Variants in ADAMTS9 observed in about 807,000 individuals in gnomAD.
ADAMTS9 encodes ADAM metallopeptidase with thrombospondin type 1 motif 9.
In ADAMTS9, 107 loss-of-function variants were observed where a neutral mutation model predicts 257.1. The ratio of observed to expected loss-of-function variants is 0.42; its 90% CI spans 0.36 to 0.49. The LOEUF is 0.49. Ranked by LOEUF, ADAMTS9 falls within the 20% of genes least tolerant of loss-of-function variation. The pLI is 0.03. For missense variants in ADAMTS9, 2,353 were observed against 2,469.1 expected, an observed-to-expected ratio of 0.95 and a Z score of 1.00; for synonymous variants, 982 against 880.9, an observed-to-expected ratio of 1.11 and a Z score of -2.03.
intron 32 of ADAMTS9, 47 bp downstream of exon 32, chr3:64,546,711 T>G: frequency 6.6e-7 from 1 of 1,526,502 alleles, no homozygotes; most frequent in Non-Finnish European, 8.8e-7. Flanking sequence ...TAAGACGGGG[T>G]TGAGATCCAA....
chr3:64,539,527 A>G (rs140082715), intron 36 of ADAMTS9, among the ~76,000 whole-genome samples: 1 of 152,282 alleles, frequency 6.6e-6, no homozygotes, highest in East Asian at 1.9e-4. Flanking sequence ...TCAGCCCCGA[A>G]TGTCTGTCTC....
intron 38 of ADAMTS9, among the ~76,000 whole-genome samples, chr3:64,525,420 A>G (rs2082898415): frequency 6.6e-6 from 1 of 152,120 alleles, no homozygotes; most frequent in Non-Finnish European, 1.5e-5. Flanking sequence ...AAATAACACT[A>G]TGATGAACAT....
Position 64,546,832 on chromosome 3 carries a change from G to T in ADAMTS9, c.4990C>A (p.Pro1664Thr), listed in dbSNP as rs748833043. The T allele has an allele frequency of 5.6e-6, 9 of 1,614,116 alleles. No homozygotes were observed. Among genetic ancestry groups the T allele is most frequent in the Non-Finnish European group, 7.6e-6 (9 of 1,179,968 alleles). The stretch of plus-strand genomic sequence containing the variant: ...AGGTAACAGGGGTGAACACTGGGGG[G>T]CTGCGTGCCTGGGCAGTTGATGGTG... ...QTTINCPGTQPPSVHPCYLRD... is the reference protein window; with the variant it reads ...QTTINCPGTQTPSVHPCYLRD... Residue 1664 changes from proline (P) to threonine (T), a missense_variant, in exon 32 of 40, where the codon CCC becomes ACC. Pro to Thr is a conservative substitution (Grantham distance 38). Coordinates refer to ENST00000498707, the MANE Select transcript of ADAMTS9 (RefSeq NM_182920.2).
At chr3:64,575,644 C>G (rs1459798388) in intron 28 of ADAMTS9, among the ~76,000 whole-genome samples, 1 of 152,130 alleles carries the variant, frequency 6.6e-6, no homozygotes. Context: ...GTCAGACAGG[C>G]CTGGGCTGGA....
intron 12 of ADAMTS9, among the ~76,000 whole-genome samples, chr3:64,638,923 G>C (rs1380816950): frequency 6.6e-6 from 1 of 152,040 alleles, no homozygotes. Context: ...TTGTACCTTG[G>C]ATTCTAAAAA....
chr3:64,585,299 G>A (rs2084118608), intron 28 of ADAMTS9, among the ~76,000 whole-genome samples: 1 of 152,066 alleles, frequency 6.6e-6, no homozygotes, highest in Non-Finnish European at 1.5e-5. Flanking sequence ...AAGTTCCCAA[G>A]CGTAACTGTT....
In ADAMTS9 at chr3:64,533,854, A is replaced by G. The variant is rs9828835; in HGVS notation, c.5614-584T>C. Among the ~76,000 whole-genome samples the G allele has an allele frequency of 6.0e-3, 916 of 152,290 alleles. 14 individuals are homozygous for G. Among genetic ancestry groups the G allele is most frequent in the African/African-American group, 0.02 (846 of 41,564 alleles). ...CCTGGGCCTGGAGGATGCGGCTTTC[A>G]GGCTCCGGTAAGGGAGATCTCCCAA... On this transcript the variant is annotated intron_variant, in intron 37 of 39. Transcript: ENST00000498707.
chr3:64,555,456 C>T (rs12635012), intron 30 of ADAMTS9, among the ~76,000 whole-genome samples: 12,772 of 152,108 alleles, frequency 0.084, 1,266 homozygotes, highest in African/African-American at 0.22. Context: ...TCCATGGCTT[C>T]GTACCCTGTC....
chr3:64,687,691 C>A lies in ADAMTS9; in HGVS notation c.-34G>T. 3.5e-6 allele frequency: 5 copies of A among 1,432,086 alleles called. No homozygotes were observed. The highest frequency in any genetic ancestry group is 1.3e-5 in the South Asian group (1 of 75,460). The allele number at this position is 1,432,086 out of a possible 1,614,324, so 88.7% of individuals were successfully genotyped here. On this transcript the variant is annotated 5_prime_UTR_variant, in exon 1 of 40. Coordinates refer to ENST00000498707, the MANE Select transcript of ADAMTS9 (RefSeq NM_182920.2). The surrounding 1 kb of genome is among the most constrained non-coding windows in gnomAD (Gnocchi z 4.4). ...CCACCCCTCCCTCCGCTGCCCCCAC[C>A]CCCCTCCCTCCTGCCCTCCTTGGCT...
In ADAMTS9 at chr3:64,631,481, C is replaced by G; in HGVS notation, c.2363G>C (p.Gly788Ala). 3.1e-6 allele frequency: 5 copies of G among 1,614,084 alleles called. No individual in the cohort carries two copies. The highest frequency in any genetic ancestry group is 4.2e-6 in the Non-Finnish European group (5 of 1,179,936). The change falls in exon 16 of 40, where the codon GGG becomes GCG. Residue 788 changes from glycine (G) to alanine (A), a missense_variant. Physicochemically the swap from Gly to Ala is moderately conservative, Grantham distance 60 (BLOSUM62 0). This residue lies in a region of ADAMTS9 where 360 missense variants were observed against 458.1 expected (regional missense o/e 0.79). Coordinates refer to ENST00000498707, the MANE Select transcript of ADAMTS9 (RefSeq NM_182920.2). The stretch of plus-strand genomic sequence containing the variant: ...TAAGTAGTTGTCATCGTCTGTTTCC[C>G]CTGAGAAACTGTGCTGCCGCACATC... ...NIDVRQHSFS[G>A]ETDDDNYLAL...
chr3:64,563,341 A>G (rs1032390206), intron 29 of ADAMTS9: 15 of 152,234 alleles, frequency 9.9e-5, no homozygotes, highest in Admixed American at 4.6e-4. Context: ...GACTATTTCA[A>G]TTTGGGGTCT....
At chr3:64,663,168 T>C (rs531877955) in intron 3 of ADAMTS9, among the ~76,000 whole-genome samples, 1 of 152,156 alleles carries the variant, frequency 6.6e-6, no homozygotes, top group South Asian at 2.1e-4. Flanking sequence ...AAAAATATCC[T>C]AAAATTGACT....
chr3:64,658,825 A>G, intron 3 of ADAMTS9, 34 bp from the exon 4 acceptor site: 4 of 1,564,676 alleles, frequency 2.6e-6, no homozygotes, highest in Non-Finnish European at 3.5e-6. Context: ...ATTACATTTC[A>G]AGCCACATCT....
chr3:64,597,408 C>T (rs1248710262), intron 26 of ADAMTS9, among the ~76,000 whole-genome samples: 2 of 152,112 alleles, frequency 1.3e-5, no homozygotes, highest in African/African-American at 4.8e-5. Flanking sequence ...CCTTTCAACG[C>T]GGAGGTCAAA....
At chr3:64,626,802 T>G (rs1700234358) in intron 16 of ADAMTS9, among the ~76,000 whole-genome samples, 1 of 152,226 alleles carries the variant, frequency 6.6e-6, no homozygotes, top group Admixed American at 6.5e-5. Context: ...CTGACACTCA[T>G]GACAAGGAGG....
intron 22 of ADAMTS9, among the ~76,000 whole-genome samples, chr3:64,610,805 G>A (rs989312898): frequency 3.3e-5 from 5 of 151,996 alleles, no homozygotes; most frequent in African/African-American, 9.7e-5. Context: ...AGCCGGGCAC[G>A]GTGTCTTAGG....
chr3:64,687,041 G>C lies in ADAMTS9; in HGVS notation c.116-73C>G. ...AAGCTTTAATTTAAAACGAAGGTGG[G>C]GACTTTGTTCTGACCTTATTTTCCA... On this transcript the variant is annotated intron_variant, in intron 1 of 39. Transcript: ENST00000498707. The surrounding 1 kb of genome is among the most constrained non-coding windows in gnomAD (Gnocchi z 4.4). 3 of 1,525,562 alleles carry C rather than the reference G, an allele frequency of 2.0e-6. No individual in the cohort carries two copies. The highest frequency in any genetic ancestry group is 2.7e-6 in the Non-Finnish European group (3 of 1,130,190). The allele number at this position is 1,525,562 out of a possible 1,614,324, so 94.5% of individuals were successfully genotyped here. A position where few individuals can be genotyped will look rare whatever the true frequency, so the allele number is the denominator to read the frequency against.
chr3:64,623,121 G>A (rs1227925534), intron 16 of ADAMTS9, among the ~76,000 whole-genome samples: 1 of 152,108 alleles, frequency 6.6e-6, no homozygotes, highest in Non-Finnish European at 1.5e-5. Context: ...AGCTCACTGT[G>A]GTAGCCAGCC....
In ADAMTS9 at chr3:64,561,677, T is replaced by G. The variant is rs1248250004; in HGVS notation, c.4599A>C (p.Arg1533Ser). 4 of 1,613,980 alleles carry G rather than the reference T, an allele frequency of 2.5e-6. No homozygotes were observed. Among genetic ancestry groups the G allele is most frequent in the Non-Finnish European group, 2.5e-6 (3 of 1,180,018 alleles). Residue 1533 changes from arginine to serine, a missense_variant, in exon 30 of 40, where the codon AGA becomes AGC. Around this residue, in one of 3 missense-constraint regions of ADAMTS9, gnomAD observed 1,402 missense variants for 1,441.4 expected, o/e 0.97. Transcript: ENST00000498707. ...TGGTGTATGGGTTGCACTCGGTCTC[T>G]CTGGCTATTTTGTGTGTTCCGATCT... Reference protein sequence around the residue: ...GCQIGTHKIARETECNPYTRP... With the variant: ...GCQIGTHKIASETECNPYTRP...
Sources: gnomAD v4.1 joint callset for allele counts (sites outside exome capture counted in the v4.1 genomes callset) on GRCh38, gnomAD v4.1.1 for gene constraint, gnomAD v4.1.1 regional missense constraint, Gnocchi (gnomAD v3.1) non-coding constraint, MANE v1.5 for transcripts, NCBI Gene and HGNC (gene_info 2026-07-23, HGNC 2026-07-21) for gene names.